Variants in PPP2R2A observed in about 807,000 individuals in gnomAD.
PPP2R2A encodes protein phosphatase 2 regulatory subunit Balpha, also known as serine/threonine-protein phosphatase 2A 55 kDa regulatory subunit B alpha isoform.
PPP2R2A carries 9 observed loss-of-function variants against 53.2 expected under a neutral mutation model. The observed-to-expected ratio is 0.17, with a 90% CI of 0.10 to 0.30. The LOEUF (loss-of-function observed/expected upper bound fraction) is 0.30, where lower values mean the gene tolerates loss of function less well. PPP2R2A is among the 10% of genes least tolerant of loss of function. PPP2R2A has a pLI of 1.00. For missense variants in PPP2R2A, 235 were observed against 534.6 expected, an observed-to-expected ratio of 0.44 and a Z score of 5.53; for synonymous variants, 169 against 174.2, an observed-to-expected ratio of 0.97 and a Z score of 0.23.
rs145210049 is a variant in PPP2R2A, at chr8:26,297,869, T to C, written c.82+4129T>C. 1.4e-3 allele frequency among the ~76,000 whole-genome samples: 210 copies of C among 152,316 alleles called. 3 individuals carry two copies. Among genetic ancestry groups the C allele is most frequent in the African/African-American group, 4.7e-3 (195 of 41,570 alleles). ...ATTTGTCTTTAAAGCCTACTAAAAA[T>C]TTCTCAAAGTGAAGGAAATAGCATA... On this transcript the variant is annotated intron_variant, in intron 2 of 9. Coordinates refer to ENST00000380737, the MANE Select transcript of PPP2R2A (RefSeq NM_002717.4).
Position 26,371,265 on chromosome 8 carries a change from T to C in PPP2R2A, c.*852T>C, listed in dbSNP as rs1805655153. 6.6e-6 allele frequency: 1 copy of C among 152,210 alleles called. No homozygotes were observed. Among genetic ancestry groups the C allele is most frequent in the Admixed American group, 6.5e-5 (1 of 15,278 alleles). The allele number at this position is 152,210 out of a possible 1,614,324, so 9.4% of individuals were successfully genotyped here. ...GTTAATTATTTTTAACAAGTGTTCT[T>C]TTACATGCAGGAGGAGAGGTATTGG... On this transcript the variant is annotated 3_prime_UTR_variant, in exon 10 of 10. Coordinates refer to ENST00000380737, the MANE Select transcript of PPP2R2A (RefSeq NM_002717.4).
intron 2 of PPP2R2A, among the ~76,000 whole-genome samples, chr8:26,331,482 G>A (rs7828560): frequency 0.68 from 104,065 of 152,042 alleles, 36,034 homozygotes; most frequent in East Asian, 0.88. Context: ...TTTTCTGAAT[G>A]CCTTTGTTTA....
intron 3 of PPP2R2A, among the ~76,000 whole-genome samples, chr8:26,344,990 C>T (rs531316645): frequency 1.3e-5 from 2 of 152,288 alleles, no homozygotes; most frequent in South Asian, 4.1e-4. Flanking sequence ...ACACCTTATA[C>T]ATATGACCTG....
At chr8:26,305,394 G>T (rs1318263933) in intron 2 of PPP2R2A, among the ~76,000 whole-genome samples, 2 of 152,184 alleles carry the variant, frequency 1.3e-5, no homozygotes, top group Non-Finnish European at 2.9e-5. Context: ...AAGGAACCAG[G>T]TAGGTACTTT....
rs976165978 is a variant in PPP2R2A, at chr8:26,363,991, G to C, written c.972+101G>C. 4.5e-6 allele frequency: 5 copies of C among 1,113,052 alleles called. No individual in the cohort carries two copies. In the South Asian group the frequency reaches 9.4e-5, roughly 21 times the overall value. The allele number at this position is 1,113,052 out of a possible 1,614,324, so 68.9% of individuals were successfully genotyped here. ...AGGTTTTAATCCCTGTATGGTGTTT[G>C]TTCACCATTAGGCCTTTTCCCTCAG... On this transcript the variant is annotated intron_variant, in intron 8 of 9. Transcript: ENST00000380737.
intron 2 of PPP2R2A, chr8:26,333,493 A>AT: frequency 8.1e-7 from 1 of 1,227,720 alleles, no homozygotes; most frequent in Non-Finnish European, 1.1e-6. Flanking sequence ...CAGATCACTT[A>AT]TTTGAGACAT....
intron 2 of PPP2R2A, among the ~76,000 whole-genome samples, chr8:26,296,109 A>G (rs1801529476): frequency 6.6e-6 from 1 of 152,088 alleles, no homozygotes; most frequent in Non-Finnish European, 1.5e-5. Flanking sequence ...TTTCACCTCT[A>G]TTCAGGTTTG....
At chr8:26,363,628 A>G (rs2117415365) in intron 7 of PPP2R2A, 93 bp from the exon 8 acceptor site, 1 of 1,133,046 alleles carries the variant, frequency 8.8e-7, no homozygotes, top group East Asian at 2.7e-5. Flanking sequence ...CCTCACTTGT[A>G]GGGAGTTTGT....
At chr8:26,305,979 G>A (rs1801996549) in intron 2 of PPP2R2A, among the ~76,000 whole-genome samples, 1 of 152,172 alleles carries the variant, frequency 6.6e-6, no homozygotes, top group African/African-American at 2.4e-5. Context: ...TTCTCTAGGT[G>A]AATGTTTATG....
chr8:26,292,006 C>A, intron 1 of PPP2R2A, 180 bp downstream of exon 1: 1 of 938,050 alleles, frequency 1.1e-6, no homozygotes, highest in Non-Finnish European at 1.3e-6. Flanking sequence ...CAAGTGGTCA[C>A]GGTGAGAGTC....
rs11135934 is a variant in PPP2R2A, at chr8:26,321,550, G to A, written c.83-17340G>A. Among the ~76,000 whole-genome samples, 34,317 of 152,156 alleles carry A rather than the reference G, an allele frequency of 0.23. 4,999 individuals are homozygous for A. The highest frequency in any genetic ancestry group is 0.32 in the Non-Finnish European group (21,414 of 67,976). ...AGAAAGGTTTTGGCATCCATGTTGG[G>A]CTGCCCTATTTCACTTGCTGAGGGA... is the stretch of plus-strand genomic sequence containing the variant. On this transcript the variant is annotated intron_variant, in intron 2 of 9. Transcript: ENST00000380737. The surrounding 1 kb of genome is among the most constrained non-coding windows in gnomAD (Gnocchi z 4.1).
chr8:26,349,254 G>C (rs1158803966), intron 3 of PPP2R2A, among the ~76,000 whole-genome samples: 1 of 148,674 alleles, frequency 6.7e-6, no homozygotes, highest in Non-Finnish European at 1.5e-5. Flanking sequence ...GTGTTTTGTT[G>C]GGGATTTTTG....
At chr8:26,334,187 T>C (rs1803532854) in intron 2 of PPP2R2A, among the ~76,000 whole-genome samples, 1 of 152,200 alleles carries the variant, frequency 6.6e-6, no homozygotes, top group Non-Finnish European at 1.5e-5. Context: ...GTAAGATTAA[T>C]ACAGGCATTT....
At chr8:26,304,987 G>C (rs910299915) in intron 2 of PPP2R2A, among the ~76,000 whole-genome samples, 1 of 152,106 alleles carries the variant, frequency 6.6e-6, no homozygotes, top group Non-Finnish European at 1.5e-5. Context: ...CTGTTCAGTA[G>C]TGTTAACTCT....
rs1473019996 is a variant in PPP2R2A at position 26,357,285 on chromosome 8, C to A, written c.346+2652C>A. On this transcript the variant is annotated intron_variant, in intron 4 of 9. Coordinates refer to ENST00000380737, the MANE Select transcript of PPP2R2A (RefSeq NM_002717.4). ...GTTTTTTCTGTGAGCATAGTAACACCCCCCCCCCCCAATATAATGGGTCTA... is the reference window on the plus strand; with the variant it reads ...GTTTTTTCTGTGAGCATAGTAACACACCCCCCCCCCAATATAATGGGTCTA... 1.0e-4 allele frequency among the ~76,000 whole-genome samples: 5 copies of A among 47,738 alleles called. No individual in the cohort carries two copies. The East Asian group carries it at 1.5e-3, about 14-fold the overall frequency. 31.3% of individuals were successfully genotyped at this position (47,738 alleles called of 152,430 possible). A position where few individuals can be genotyped will look rare whatever the true frequency, so the allele number is the denominator to read the frequency against.
chr8:26,368,625 AC>A (rs1283211639), intron 9 of PPP2R2A, among the ~76,000 whole-genome samples: 7 of 152,170 alleles, frequency 4.6e-5, no homozygotes, highest in Non-Finnish European at 1.5e-5. Flanking sequence ...ACATAGCAAG[AC>A]CCTGTCTCTA....
chr8:26,303,517 T>G (rs1412628016), intron 2 of PPP2R2A, among the ~76,000 whole-genome samples: 1 of 152,238 alleles, frequency 6.6e-6, no homozygotes, highest in East Asian at 1.9e-4. Context: ...ATTGGCTTGC[T>G]AACTTTCCCA....
chr8:26,299,683 T>A (rs1801695750), intron 2 of PPP2R2A, among the ~76,000 whole-genome samples: 1 of 152,154 alleles, frequency 6.6e-6, no homozygotes, highest in African/African-American at 2.4e-5. Flanking sequence ...AATGCTATAA[T>A]GTAAACAATT....
At chr8:26,312,273 A>G (rs1802325960) in intron 2 of PPP2R2A, among the ~76,000 whole-genome samples, 1 of 152,238 alleles carries the variant, frequency 6.6e-6, no homozygotes, top group Admixed American at 6.5e-5. Flanking sequence ...CCTGATAATC[A>G]ACACTTCTCT....
Sources: allele counts gnomAD v4.1 joint callset (sites outside exome capture counted in the v4.1 genomes callset), GRCh38; gene constraint gnomAD v4.1.1; non-coding constraint Gnocchi (gnomAD v3.1); transcripts MANE v1.5; gene names NCBI Gene and HGNC (gene_info 2026-07-23, HGNC 2026-07-21).